The following SCRN1 variants were observed in gnomAD, a reference collection of about 807,000 sequenced individuals.
SCRN1 encodes secernin 1.
A neutral mutation model predicts 43.3 loss-of-function variants in SCRN1; 19 were observed. The observed-to-expected ratio is 0.44, with a 90% CI of 0.31 to 0.64. SCRN1 has a LOEUF of 0.64. Among genes scored for constraint, SCRN1 ranks in the 30% least tolerant of loss-of-function variants. The pLI, the probability that SCRN1 is intolerant of heterozygous loss-of-function variation, is 0.09. For missense variants in SCRN1, 447 were observed against 524.1 expected (o/e 0.85, Z 1.44); for synonymous variants, 183 against 188.9 (o/e 0.97, Z 0.26).
chr7:29,946,780 A>G (rs1583666390), intron 3 of SCRN1, among the ~76,000 whole-genome samples: 1 of 152,158 alleles, frequency 6.6e-6, no homozygotes, highest in East Asian at 1.9e-4. Context: ...TGGTCTTCCT[A>G]CCATGCCATG....
rs540714715 is a variant in SCRN1, at chr7:29,935,743, G to T, written c.905+813C>A. ...CTGATATACATGACAGAATGTTCCT[G>T]GGGAGAGGGGCTGCTGTCTGCCTGG... On this transcript the variant is annotated intron_variant, in intron 6 of 7. Coordinates refer to ENST00000242059, the MANE Select transcript of SCRN1 (RefSeq NM_014766.5). Among the ~76,000 whole-genome samples, 6 of 152,346 alleles carry T rather than the reference G, an allele frequency of 3.9e-5. No homozygotes were observed. The South Asian group carries it at 1.2e-3, about 32-fold the overall frequency.
At chr7:29,949,555 T>A (rs1787849536) in intron 3 of SCRN1, among the ~76,000 whole-genome samples, 1 of 151,926 alleles carries the variant, frequency 6.6e-6, no homozygotes, top group African/African-American at 2.4e-5. Context: ...TTTTGTATAT[T>A]TTGTAGATAC....
At chr7:29,951,652 A>G (rs76964836) in intron 3 of SCRN1, among the ~76,000 whole-genome samples, 138 of 152,342 alleles carry the variant, frequency 9.1e-4, no homozygotes, top group African/African-American at 3.3e-3. Flanking sequence ...CTCAGGAGAA[A>G]GGGACTAGTG....
intron 1 of SCRN1, among the ~76,000 whole-genome samples, chr7:29,976,153 C>T (rs1220331974): frequency 6.6e-6 from 1 of 152,134 alleles, no homozygotes; most frequent in Non-Finnish European, 1.5e-5. Context: ...ACCAGTTTTC[C>T]TTCAGACCAA....
chr7:29,928,963 T>C (rs1787068855), intron 6 of SCRN1, among the ~76,000 whole-genome samples: 1 of 152,070 alleles, frequency 6.6e-6, no homozygotes. Context: ...AATGGAGCAG[T>C]GGGGAGGAGG....
chr7:29,928,607 G>A (rs540514689), intron 6 of SCRN1, among the ~76,000 whole-genome samples: 8 of 152,192 alleles, frequency 5.3e-5, no homozygotes, highest in African/African-American at 9.6e-5. Context: ...GCCCATCTCC[G>A]ATCCACTGGG....
At position 29,924,083 on chromosome 7, in the gene SCRN1, C is replaced by G; in HGVS notation, c.1119G>C (p.Leu373=). The change falls in exon 8 of 8, where the codon CTG becomes CTC. Residue 373 remains leucine (L), a synonymous_variant. Coordinates refer to ENST00000242059, the MANE Select transcript of SCRN1 (RefSeq NM_014766.5). The part of the protein sequence containing the change: ...EQGRKLRSTM[L]ELEKQGLEAM... The stretch of plus-strand genomic sequence containing the variant: ...CTTCCAGGCCTTGCTTCTCCAGCTC[C>G]AGCATGGTGCTCCTCAGCTTGCGAC... The G allele has an allele frequency of 6.2e-7, 1 of 1,613,944 alleles. No individual in the cohort carries two copies. The highest frequency in any genetic ancestry group is 8.5e-7 in the Non-Finnish European group (1 of 1,179,948).
At chr7:29,944,748 G>T (rs993730095) in intron 3 of SCRN1, among the ~76,000 whole-genome samples, 55 of 151,874 alleles carry the variant, frequency 3.6e-4, no homozygotes, top group African/African-American at 1.2e-3. Context: ...TTCGACACAG[G>T]AGAGTCAGGA....
chr7:29,953,982 A>C (rs1788044474), intron 3 of SCRN1, among the ~76,000 whole-genome samples: 1 of 152,204 alleles, frequency 6.6e-6, no homozygotes, highest in African/African-American at 2.4e-5. Flanking sequence ...CTCCCAGCCC[A>C]ATCTTCTTTC....
chr7:29,924,058 C>G lies in SCRN1; in HGVS notation c.1144G>C (p.Ala382Pro), dbSNP rs1786860100. 2 of 1,614,034 alleles carry G rather than the reference C, an allele frequency of 1.2e-6. No individual in the cohort carries two copies. The highest frequency in any genetic ancestry group is 1.7e-6 in the Non-Finnish European group (2 of 1,180,022). ...MLELEKQGLE[A>P]MEEILTSSEP... is the part of the protein sequence containing the mutation. The stretch of plus-strand genomic sequence containing the variant: ...GAGCTGGTCAGGATTTCTTCCATGG[C>G]TTCCAGGCCTTGCTTCTCCAGCTCC... Residue 382 changes from alanine (A) to proline (P), a missense_variant, in exon 8 of 8, where the codon GCC becomes CCC. By Grantham distance (27) the Ala-to-Pro change is conservative. Transcript: ENST00000242059.
upstream of SCRN1, chr7:29,989,928 C>G (rs536942064): frequency 1.3e-5 from 16 of 1,219,980 alleles, no homozygotes; most frequent in Non-Finnish European, 1.0e-6. Context: ...CTGCACGGGC[C>G]GCGGCGCTGC....
chr7:29,972,671 C>T (rs1027914355), intron 1 of SCRN1, among the ~76,000 whole-genome samples: 1 of 152,242 alleles, frequency 6.6e-6, no homozygotes, highest in East Asian at 1.9e-4. Flanking sequence ...TAGGAGCAAA[C>T]TAGCCCAGGC....
At chr7:29,969,336 T>C in intron 1 of SCRN1, 2 of 458,742 alleles carry the variant, frequency 4.4e-6, no homozygotes, top group South Asian at 5.5e-5. Context: ...AGTGCAGTGA[T>C]GTGGGAGAAA....
At chr7:29,933,252 A>G (rs551563560) in intron 6 of SCRN1, among the ~76,000 whole-genome samples, 13 of 152,140 alleles carry the variant, frequency 8.5e-5, no homozygotes, top group Admixed American at 4.6e-4. Context: ...TCTAACAACT[A>G]TATCTCTGAA....
In SCRN1 at chr7:29,939,150, A is replaced by G. The variant is rs118094732; in HGVS notation, c.739+1532T>C. Among the ~76,000 whole-genome samples the G allele has an allele frequency of 2.9e-3, 445 of 152,300 alleles. 18 individuals carry two copies. The East Asian group carries it at 0.079, about 27-fold the overall frequency. On this transcript the variant is annotated intron_variant, in intron 5 of 7. Coordinates refer to ENST00000242059, the MANE Select transcript of SCRN1 (RefSeq NM_014766.5). ...TACCTTCCTACCCAGAATATATTAC[A>G]TAAGTGCTATAGCAAAAGTCCTAAA...
intron 2 of SCRN1, among the ~76,000 whole-genome samples, chr7:29,957,095 G>A (rs895097634): frequency 6.6e-6 from 1 of 152,164 alleles, no homozygotes; most frequent in African/African-American, 2.4e-5. Context: ...TATCATACAG[G>A]TTTTTAAAAG....
chr7:29,989,655 CTCCGGGCTCCGCTCT>C lies in SCRN1; in HGVS notation c.-30_-16del. The stretch of plus-strand genomic sequence containing the variant: ...GACGCGGCTCACCTGGGGCGGCGGG[CTCCGGGCTCCGCTCT>C]CCGCTCTGCGGTGCTGAGGCTGCGG... On this transcript the variant is annotated 5_prime_UTR_variant, in exon 1 of 8. Transcript: ENST00000242059. 1 of 985,652 alleles carries C rather than the reference CTCCGGGCTCCGCTCT, an allele frequency of 1.0e-6. No individual in the cohort carries two copies. The highest frequency in any genetic ancestry group is 1.2e-6 in the Non-Finnish European group (1 of 830,118). 61.1% of individuals were successfully genotyped at this position (985,652 alleles called of 1,614,324 possible).
chr7:29,975,658 C>T (rs963461193), intron 1 of SCRN1, among the ~76,000 whole-genome samples: 1 of 152,194 alleles, frequency 6.6e-6, no homozygotes, highest in Non-Finnish European at 1.5e-5. Flanking sequence ...TGAGATGTAA[C>T]ATTTCTTACT....
Position 29,940,768 on chromosome 7 carries a change from C to T in SCRN1, c.653G>A (p.Gly218Asp). Reference sequence around the variant, plus strand: ...AAAGACTTCGGAAAAATTGAACTCGCCCTCTCCCGTCCACCAACCTTGGCT... The same window carrying T: ...AAAGACTTCGGAAAAATTGAACTCGTCCTCTCCCGTCCACCAACCTTGGCT... ...AQSQGWWTGEGEFNFSEVFSP... is the reference protein window; with the variant it reads ...AQSQGWWTGEDEFNFSEVFSP... Residue 218 changes from glycine to aspartate, a missense_variant, in exon 5 of 8, where the codon GGC becomes GAC. Physicochemically the swap from Gly to Asp is moderately conservative, Grantham distance 94. Coordinates refer to ENST00000242059, the MANE Select transcript of SCRN1 (RefSeq NM_014766.5). 6.2e-7 allele frequency: 1 copy of T among 1,610,428 alleles called. No homozygotes were observed. Among genetic ancestry groups the T allele is most frequent in the Non-Finnish European group, 8.5e-7 (1 of 1,178,982 alleles).
Sources: allele counts gnomAD v4.1 joint callset (sites outside exome capture counted in the v4.1 genomes callset), GRCh38; gene constraint gnomAD v4.1.1; transcripts MANE v1.5; gene names NCBI Gene and HGNC (gene_info 2026-07-23, HGNC 2026-07-21).